Variants in CTNNA2 observed in about 807,000 individuals in gnomAD.
The protein encoded by CTNNA2 is catenin alpha-2.
In CTNNA2, 42 loss-of-function variants were observed where a neutral mutation model predicts 101.0. The observed-to-expected ratio is 0.42, with a 90% confidence interval of 0.32 to 0.54. CTNNA2 has a LOEUF of 0.54. Ranked by LOEUF, CTNNA2 falls within the 20% of genes least tolerant of loss-of-function variation. CTNNA2 has a pLI of 0.14. For synonymous variants in CTNNA2, 450 were observed against 456.4 expected (o/e 0.99, Z 0.18); for missense variants, 871 against 1,223.1 (o/e 0.71, Z 4.29).
intron 3 of CTNNA2, among the ~76,000 whole-genome samples, chr2:79,797,660 TAAAAAAA>T (rs10630216): frequency 8.2e-6 from 1 of 121,834 alleles, no homozygotes; most frequent in African/African-American, 3.5e-5. Context: ...GACTCTGTCT[TAAAAAAA>T]AAAAAAAAAA....
At chr2:79,692,364 G>T (rs1684360046) in intron 2 of CTNNA2, among the ~76,000 whole-genome samples, 1 of 152,072 alleles carries the variant, frequency 6.6e-6, no homozygotes, top group Non-Finnish European at 1.5e-5. Flanking sequence ...AAAAAGTCAG[G>T]AAACAACAGA....
intron 9 of CTNNA2, among the ~76,000 whole-genome samples, chr2:80,530,975 A>G (rs1690487656): frequency 6.6e-6 from 1 of 152,186 alleles, no homozygotes; most frequent in Non-Finnish European, 1.5e-5. Flanking sequence ...GTGGCACTAG[A>G]GCTCAGGTAA....
intron 7 of CTNNA2, among the ~76,000 whole-genome samples, chr2:80,365,915 T>G (rs1674892675): frequency 6.6e-6 from 1 of 152,150 alleles, no homozygotes; most frequent in Non-Finnish European, 1.5e-5. Flanking sequence ...CTGTTATGCT[T>G]GCCCCTCGGG....
intron 18 of CTNNA2, among the ~76,000 whole-genome samples, chr2:80,626,004 A>G (rs1421502487): frequency 1.1e-4 from 16 of 152,112 alleles, no homozygotes; most frequent in Non-Finnish European, 1.5e-4. Context: ...AATGAATCAA[A>G]TTAGTAATTT....
chr2:79,529,405 G>A (rs903860207), intron 1 of CTNNA2, among the ~76,000 whole-genome samples: 5 of 145,626 alleles, frequency 3.4e-5, no homozygotes, highest in African/African-American at 1.1e-4. Context: ...GAGCTTACAG[G>A]ACATCCAGAT....
At chr2:80,353,284 G>C (rs186716421) in intron 7 of CTNNA2, among the ~76,000 whole-genome samples, 4 of 152,122 alleles carry the variant, frequency 2.6e-5, no homozygotes, top group African/African-American at 9.6e-5. Context: ...ACAAAATTCT[G>C]CCATGACAAT....
chr2:79,404,936 T>C (rs1678326182), intron 4 of CTNNA2, among the ~76,000 whole-genome samples: 3 of 152,068 alleles, frequency 2.0e-5, no homozygotes, highest in Non-Finnish European at 2.9e-5. Context: ...AAGAACTCTA[T>C]TGAGATATCA....
intron 9 of CTNNA2, among the ~76,000 whole-genome samples, chr2:80,420,034 GAAAAAAAA>G (rs527701227): frequency 8.0e-5 from 3 of 37,546 alleles, no homozygotes; most frequent in South Asian, 1.5e-3. Flanking sequence ...GGGAACTTGT[GAAAAAAAA>G]AAAAAAAAAA....
intron 7 of CTNNA2, among the ~76,000 whole-genome samples, chr2:80,215,091 A>G (rs1299874121): frequency 6.6e-6 from 1 of 152,064 alleles, no homozygotes; most frequent in African/African-American, 2.4e-5. Flanking sequence ...TTCTCGTGCC[A>G]TGGTTTTCAG....
At chr2:80,525,872 G>T (rs1689991706) in intron 9 of CTNNA2, among the ~76,000 whole-genome samples, 1 of 152,160 alleles carries the variant, frequency 6.6e-6, no homozygotes, top group Non-Finnish European at 1.5e-5. Flanking sequence ...ACAGACTCCA[G>T]GTTCAAACAT....
At chr2:80,567,524 C>CT (rs2149687387) in intron 12 of CTNNA2, among the ~76,000 whole-genome samples, 2 of 152,214 alleles carry the variant, frequency 1.3e-5, no homozygotes, top group East Asian at 3.9e-4. Flanking sequence ...CTCTTTTACC[C>CT]TTTTTTCCTC....
rs112467477 is a variant in CTNNA2, at chr2:79,792,611, G to GA, written c.298+48039dup. Among the ~76,000 whole-genome samples, 2,034 of 149,330 alleles carry GA rather than the reference G, an allele frequency of 0.014. 108 individuals are homozygous for GA. In the East Asian group the frequency reaches 0.16, roughly 12 times the overall value. On this transcript the variant is annotated intron_variant, in intron 3 of 18. Transcript: ENST00000402739. ...AATGAGTTGCCCCTACCTTTTTTGG[G>GA]AAAAAAAAAATTAAGCTTGTGAAGT...
intron 7 of CTNNA2, among the ~76,000 whole-genome samples, chr2:80,291,432 G>A (rs1675229312): frequency 6.6e-6 from 1 of 152,216 alleles, no homozygotes; most frequent in African/African-American, 2.4e-5. Context: ...GGGACATGGA[G>A]TTTGTCTCTT....
At chr2:79,765,375 T>C (rs368775982) in intron 3 of CTNNA2, among the ~76,000 whole-genome samples, 217 of 152,338 alleles carry the variant, frequency 1.4e-3, no homozygotes, top group African/African-American at 5.1e-3. Context: ...ATTCCCTGAC[T>C]TCACATATTC....
intron 3 of CTNNA2, among the ~76,000 whole-genome samples, chr2:79,346,269 G>T (rs1262358957): frequency 6.6e-6 from 1 of 152,152 alleles, no homozygotes; most frequent in Non-Finnish European, 1.5e-5. Flanking sequence ...TGTCACAGTT[G>T]CCTGAAGAGA....
At chr2:79,249,851 G>A (rs936889204) in intron 2 of CTNNA2, among the ~76,000 whole-genome samples, 2 of 152,024 alleles carry the variant, frequency 1.3e-5, no homozygotes, top group Non-Finnish European at 2.9e-5. Context: ...AATAGTATGG[G>A]TCCCTGCTAC....
intron 14 of CTNNA2, among the ~76,000 whole-genome samples, chr2:80,588,280 T>G (rs1318247751): frequency 6.6e-6 from 1 of 152,198 alleles, no homozygotes; most frequent in Non-Finnish European, 1.5e-5. Flanking sequence ...CTTGGAGCCA[T>G]TTTAAACAGC....
chr2:80,188,117 G>A (rs4142758), intron 7 of CTNNA2, among the ~76,000 whole-genome samples: 57,992 of 151,912 alleles, frequency 0.38, 12,972 homozygotes, highest in Non-Finnish European at 0.51. Context: ...CAATATTTTC[G>A]AATTTCATCT....
chr2:79,288,854 G>C (rs1269521580), intron 2 of CTNNA2, among the ~76,000 whole-genome samples: 3 of 152,188 alleles, frequency 2.0e-5, no homozygotes, highest in African/African-American at 7.2e-5. Context: ...TTCAAACAAT[G>C]TGTGATCTTC....
Sources: allele counts gnomAD v4.1 joint callset (sites outside exome capture counted in the v4.1 genomes callset), GRCh38; gene constraint gnomAD v4.1.1; transcripts MANE v1.5; gene names NCBI Gene and HGNC (gene_info 2026-07-23, HGNC 2026-07-21).